KCNQ1: variants seen among roughly 807,000 people sequenced by gnomAD.
KCNQ1 encodes the protein potassium voltage-gated channel subfamily KQT member 1.
A neutral mutation model predicts 72.4 loss-of-function variants in KCNQ1; 49 were observed. The observed-to-expected ratio is 0.68, with a 90% CI of 0.54 to 0.86. The LOEUF is 0.86. KCNQ1 is among the 40% of genes least tolerant of loss of function. The pLI, the probability that KCNQ1 is intolerant of heterozygous loss-of-function variation, is 0.00. For missense variants in KCNQ1, 790 were observed against 945.1 expected, an observed-to-expected ratio of 0.84 and a Z score of 2.15; for synonymous variants, 450 against 412.6, an observed-to-expected ratio of 1.09 and a Z score of -1.10.
Position 2,621,545 on chromosome 11 carries a change from A to T in KCNQ1, c.1393+32691A>T, listed in dbSNP as rs868130750. On this transcript the variant is annotated intron_variant, in intron 10 of 15. Transcript: ENST00000155840. The surrounding 1 kb of genome is among the most constrained non-coding windows in gnomAD (Gnocchi z 5.7). ...TTCTTTTGCTATGCAGAAGCTCTTT[A>T]GTTTACCACTGTGATCTCTTTGCTA... The T allele has an allele frequency of 1.1e-4, 45 of 398,354 alleles. No individual in the cohort carries two copies. Among genetic ancestry groups the T allele is most frequent in the African/African-American group, 8.2e-4 (40 of 48,684 alleles). The allele number at this position is 398,354 out of a possible 1,614,324, so 24.7% of individuals were successfully genotyped here.
chr11:2,669,650 G>A lies in KCNQ1; in HGVS notation c.1514+7569G>A. ...CTCAGTTTCCTCTTGTATACATTGG[G>A]AGTATATCTCACAGTATTAGTGTAA... On this transcript the variant is annotated intron_variant, in intron 11 of 15. Coordinates refer to ENST00000155840, the MANE Select transcript of KCNQ1 (RefSeq NM_000218.3). This position sits in a 1 kb window ranked among gnomAD's most constrained non-coding sequence, Gnocchi z 5.6. 1 of 398,630 alleles carries A rather than the reference G, an allele frequency of 2.5e-6. No individual in the cohort carries two copies. The allele number at this position is 398,630 out of a possible 1,614,324, so 24.7% of individuals were successfully genotyped here. A position where few individuals can be genotyped will look rare whatever the true frequency, so the allele number is the denominator to read the frequency against.
At position 2,611,164 on chromosome 11, in the gene KCNQ1, C is replaced by G; in HGVS notation, c.1393+22310C>G. 7.5e-6 allele frequency: 3 copies of G among 398,416 alleles called. No individual in the cohort carries two copies. The highest frequency in any genetic ancestry group is 4.4e-6 in the Non-Finnish European group (1 of 226,024). 24.7% of individuals were successfully genotyped at this position (398,416 alleles called of 1,614,324 possible). ...TCCCTTTTGTCATTGTAAAATGCTT[C>G]TCAGTATCTCTAATAACATGGTTTG... On this transcript the variant is annotated intron_variant, in intron 10 of 15. Transcript: ENST00000155840. This position sits in a 1 kb window ranked among gnomAD's most constrained non-coding sequence, Gnocchi z 5.3.
At chr11:2,585,946 A>G (rs1379186704) in intron 8 of KCNQ1, among the ~76,000 whole-genome samples, 1 of 152,196 alleles carries the variant, frequency 6.6e-6, no homozygotes, top group Admixed American at 6.5e-5. Flanking sequence ...AGGACCCACC[A>G]GAGAATGGGA....
At position 2,483,153 on chromosome 11, in the gene KCNQ1, T is replaced by C. The variant is rs891710296; in HGVS notation, c.386+37669T>C. On this transcript the variant is annotated intron_variant, in intron 1 of 15. Transcript: ENST00000155840. This position sits in a 1 kb window ranked among gnomAD's most constrained non-coding sequence, Gnocchi z 6.1. ...CATGGCACATGCAAAGGTCCTGTGT[T>C]GGGAACGTGCTTGGTGCATGTGAAG... is the stretch of plus-strand genomic sequence containing the variant. Among the ~76,000 whole-genome samples the C allele has an allele frequency of 2.0e-5, 3 of 152,048 alleles. No individual in the cohort carries two copies. Among genetic ancestry groups the C allele is most frequent in the Non-Finnish European group, 4.4e-5 (3 of 68,010 alleles).
intron 11 of KCNQ1, among the ~76,000 whole-genome samples, chr11:2,751,621 T>C (rs1846227247): frequency 6.6e-6 from 1 of 152,214 alleles, no homozygotes; most frequent in Non-Finnish European, 1.5e-5. Context: ...GCGGCGACCC[T>C]CGTCTGACAG....
chr11:2,732,556 C>T (rs1480939260), intron 11 of KCNQ1, among the ~76,000 whole-genome samples: 1 of 152,200 alleles, frequency 6.6e-6, no homozygotes, highest in Non-Finnish European at 1.5e-5. Flanking sequence ...GGAGCGCAGG[C>T]GAATGTTACA....
At chr11:2,648,631 G>A (rs565962269) in intron 10 of KCNQ1, 1 of 398,386 alleles carries the variant, frequency 2.5e-6, no homozygotes, top group Non-Finnish European at 4.4e-6. Context: ...TGTGGTCTGA[G>A]AAGATACTTG....
intron 10 of KCNQ1, chr11:2,632,137 C>T (rs894312397): frequency 2.8e-5 from 11 of 389,978 alleles, no homozygotes; most frequent in East Asian, 1.4e-4. Flanking sequence ...GAGCCGAGAT[C>T]GCGCCACTAC....
In KCNQ1 at chr11:2,561,232, A is replaced by AG. The variant is rs1848162418; in HGVS notation, c.478-9394dup. On this transcript the variant is annotated intron_variant, in intron 2 of 15. Coordinates refer to ENST00000155840, the MANE Select transcript of KCNQ1 (RefSeq NM_000218.3). ...AAAAAAAAAGAAAAAAAGAAAAAAA[A>AG]GGAACTCCCAGGGTGGAGCTGTGGA... Among the ~76,000 whole-genome samples the AG allele has an allele frequency of 2.1e-5, 3 of 144,274 alleles. No homozygotes were observed. In the South Asian group the frequency reaches 6.7e-4, roughly 32 times the overall value. The allele number at this position is 144,274 out of a possible 152,430, so 94.6% of individuals were successfully genotyped here. A position where few individuals can be genotyped will look rare whatever the true frequency, so the allele number is the denominator to read the frequency against.
rs574951918 is a variant in KCNQ1, at chr11:2,563,418, T to A, written c.478-7210T>A. On this transcript the variant is annotated intron_variant, in intron 2 of 15. Coordinates refer to ENST00000155840, the MANE Select transcript of KCNQ1 (RefSeq NM_000218.3). The surrounding 1 kb of genome is among the most constrained non-coding windows in gnomAD (Gnocchi z 7.4). ...GCCCTCCGGCTTCGGGCAGGTCTCC[T>A]CTTTATGCCACTGTAACCCCACAAC... 6.6e-6 allele frequency among the ~76,000 whole-genome samples: 1 copy of A among 152,212 alleles called. No individual in the cohort carries two copies. The highest frequency in any genetic ancestry group is 1.5e-5 in the Non-Finnish European group (1 of 68,038).
intron 1 of KCNQ1, among the ~76,000 whole-genome samples, chr11:2,500,589 C>T (rs533846538): frequency 6.6e-6 from 1 of 152,190 alleles, no homozygotes; most frequent in Admixed American, 6.5e-5. Flanking sequence ...GTTTATTGCA[C>T]CACTATTCAC....
intron 6 of KCNQ1, 107 bp downstream of exon 6, chr11:2,573,093 C>T: frequency 7.7e-7 from 1 of 1,304,578 alleles, no homozygotes; most frequent in Non-Finnish European, 1.0e-6. Context: ...GCAGGGGCTT[C>T]TCACCTGCAC....
chr11:2,612,465 C>T lies in KCNQ1; in HGVS notation c.1393+23611C>T. The T allele has an allele frequency of 2.5e-6, 1 of 398,580 alleles. No homozygotes were observed. The highest frequency in any genetic ancestry group is 1.3e-4 in the South Asian group (1 of 7,844). 24.7% of individuals were successfully genotyped at this position (398,580 alleles called of 1,614,324 possible). On this transcript the variant is annotated intron_variant, in intron 10 of 15. Coordinates refer to ENST00000155840, the MANE Select transcript of KCNQ1 (RefSeq NM_000218.3). This position sits in a 1 kb window ranked among gnomAD's most constrained non-coding sequence, Gnocchi z 5.5. Reference sequence around the variant, plus strand: ...TTTCTTTCTATTCTTCAGTCTGAATCATCTTTATGGATCTGCGTTGAAGTT... The same window carrying T: ...TTTCTTTCTATTCTTCAGTCTGAATTATCTTTATGGATCTGCGTTGAAGTT...
chr11:2,847,629 G>A (rs1848357730), intron 15 of KCNQ1, 138 bp from the exon 16 acceptor site: 45 of 769,810 alleles, frequency 5.8e-5, no homozygotes, highest in South Asian at 5.1e-4. Context: ...GCACACGTGC[G>A]TGCCGCCTGC....
In KCNQ1 at chr11:2,768,083, G is replaced by A. The variant is rs553403848; in HGVS notation, c.1515-761G>A. On this transcript the variant is annotated intron_variant, in intron 11 of 15. Coordinates refer to ENST00000155840, the MANE Select transcript of KCNQ1 (RefSeq NM_000218.3). The surrounding 1 kb of genome is among the most constrained non-coding windows in gnomAD (Gnocchi z 6.7). Reference sequence around the variant, plus strand: ...TTCTTGGTCTCCAAAGCCTCACACAGCTGTTCCTTGCTGTTGGCATCACTT... The same window carrying A: ...TTCTTGGTCTCCAAAGCCTCACACAACTGTTCCTTGCTGTTGGCATCACTT... Among the ~76,000 whole-genome samples the A allele has an allele frequency of 3.9e-5, 6 of 152,198 alleles. No homozygotes were observed. The highest frequency in any genetic ancestry group is 7.3e-5 in the Non-Finnish European group (5 of 68,032).
At position 2,620,413 on chromosome 11, in the gene KCNQ1, TC is replaced by T. The variant is rs1849150450; in HGVS notation, c.1393+31561del. Reference sequence around the variant, plus strand: ...GTAGTTTTAGTAGAGACAGGGTTTTTCCATGTTGGTCAGGCTGGTCTCGAAC... The same window carrying T: ...GTAGTTTTAGTAGAGACAGGGTTTTTCATGTTGGTCAGGCTGGTCTCGAAC... On this transcript the variant is annotated intron_variant, in intron 10 of 15. Coordinates refer to ENST00000155840, the MANE Select transcript of KCNQ1 (RefSeq NM_000218.3). The surrounding 1 kb of genome is among the most constrained non-coding windows in gnomAD (Gnocchi z 4.5). 4.2e-6 allele frequency: 1 copy of T among 235,760 alleles called. No individual in the cohort carries two copies. Among genetic ancestry groups the T allele is most frequent in the Non-Finnish European group, 8.0e-6 (1 of 124,388 alleles). The allele number at this position is 235,760 out of a possible 1,614,324, so 14.6% of individuals were successfully genotyped here.
At position 2,494,950 on chromosome 11, in the gene KCNQ1, G is replaced by A. The variant is rs57250366; in HGVS notation, c.387-32978G>A. On this transcript the variant is annotated intron_variant, in intron 1 of 15. Coordinates refer to ENST00000155840, the MANE Select transcript of KCNQ1 (RefSeq NM_000218.3). The surrounding 1 kb of genome is among the most constrained non-coding windows in gnomAD (Gnocchi z 4.6). ...TCTTTGTGCCTCTGGTAGAATTTGG[G>A]TGTGAATCCGTCTGGTCCTGGGCTT... Among the ~76,000 whole-genome samples, 106 of 152,068 alleles carry A rather than the reference G, an allele frequency of 7.0e-4. No individual in the cohort carries two copies. Among genetic ancestry groups the A allele is most frequent in the Non-Finnish European group, 1.4e-3 (94 of 68,018 alleles).
intron 15 of KCNQ1, among the ~76,000 whole-genome samples, chr11:2,838,522 G>A (rs1261821875): frequency 1.3e-5 from 2 of 152,136 alleles, no homozygotes; most frequent in African/African-American, 4.8e-5. Context: ...AGGGAGGCGA[G>A]AGGAAGTATC....
At chr11:2,632,315 A>G (rs945371994) in intron 10 of KCNQ1, 5 of 398,236 alleles carry the variant, frequency 1.3e-5, no homozygotes, top group African/African-American at 8.2e-5. Context: ...GATCATATCT[A>G]TGAACAAACA....
Sources: gnomAD v4.1 joint callset for allele counts (sites outside exome capture counted in the v4.1 genomes callset) on GRCh38, gnomAD v4.1.1 for gene constraint, Gnocchi (gnomAD v3.1) non-coding constraint, MANE v1.5 for transcripts, NCBI Gene and HGNC (gene_info 2026-07-23, HGNC 2026-07-21) for gene names.